FRYL: variants seen among roughly 807,000 people sequenced by gnomAD.
FRYL encodes the protein protein furry homolog-like.
FRYL carries 150 observed loss-of-function variants against 351.2 expected under a neutral mutation model. That is an observed-to-expected ratio of 0.43 (90% CI 0.37 to 0.49). The LOEUF is 0.49. Ranked by LOEUF, FRYL falls within the 20% of genes least tolerant of loss-of-function variation. The pLI is 0.00. For synonymous variants in FRYL, 1,153 were observed against 1,257.1 expected, an observed-to-expected ratio of 0.92 and a Z score of 1.75; for missense variants, 3,036 against 3,619.3, an observed-to-expected ratio of 0.84 and a Z score of 4.13.
chr4:48,746,220 A>G (rs1274536327), intron 1 of FRYL, among the ~76,000 whole-genome samples: 2 of 152,136 alleles, frequency 1.3e-5, no homozygotes, highest in Non-Finnish European at 2.9e-5. Context: ...GGATTTCTCT[A>G]CTACTAACTG....
At chr4:48,776,659 G>A (rs1205407401) in intron 1 of FRYL, among the ~76,000 whole-genome samples, 1 of 152,166 alleles carries the variant, frequency 6.6e-6, no homozygotes, top group African/African-American at 2.4e-5. Context: ...GAGAACAGAG[G>A]AAGAGCTTGC....
intron 53 of FRYL, among the ~76,000 whole-genome samples, chr4:48,526,222 G>T (rs1469204421): frequency 6.6e-6 from 1 of 152,092 alleles, no homozygotes; most frequent in East Asian, 1.9e-4. Context: ...ATCAAGATAT[G>T]GTATACAGAT....
At chr4:48,766,304 C>T (rs1774943073) in intron 1 of FRYL, among the ~76,000 whole-genome samples, 1 of 152,134 alleles carries the variant, frequency 6.6e-6, no homozygotes, top group Non-Finnish European at 1.5e-5. Flanking sequence ...AGTCAGAGTC[C>T]ACACTCCTGA....
chr4:48,669,122 T>G (rs1294208604), intron 3 of FRYL, among the ~76,000 whole-genome samples: 1 of 152,202 alleles, frequency 6.6e-6, no homozygotes, highest in Non-Finnish European at 1.5e-5. Context: ...TGCTATTTAT[T>G]TAGCGATACA....
At chr4:48,688,035 CCTCAAAGATCCAAG>C (rs1765333591) in intron 2 of FRYL, among the ~76,000 whole-genome samples, 1 of 152,096 alleles carries the variant, frequency 6.6e-6, no homozygotes, top group African/African-American at 2.4e-5. Context: ...TGGTAAATTA[CCTCAAAGATCCAAG>C]CTCAAAACTC....
chr4:48,732,867 G>GT (rs1560328695), intron 1 of FRYL, among the ~76,000 whole-genome samples: 1 of 150,642 alleles, frequency 6.6e-6, no homozygotes, highest in African/African-American at 2.4e-5. Context: ...TGGAATGTGC[G>GT]TACCTATGAA....
At chr4:48,739,841 T>A (rs1435139895) in intron 1 of FRYL, among the ~76,000 whole-genome samples, 1 of 152,144 alleles carries the variant, frequency 6.6e-6, no homozygotes, top group Non-Finnish European at 1.5e-5. Context: ...CTTGGATTAA[T>A]AGATAATGTA....
At chr4:48,548,527 A>G (rs1731940953) in intron 40 of FRYL, among the ~76,000 whole-genome samples, 163 bp downstream of exon 40, 1 of 152,188 alleles carries the variant, frequency 6.6e-6, no homozygotes, top group African/African-American at 2.4e-5. Flanking sequence ...GAGGGGCCAG[A>G]CATAACTCCC....
At chr4:48,507,301 G>C (rs1721320574) in intron 59 of FRYL, among the ~76,000 whole-genome samples, 1 of 152,166 alleles carries the variant, frequency 6.6e-6, no homozygotes, top group South Asian at 2.1e-4. Context: ...TCCAGCCAGA[G>C]CATACAAGAC....
intron 1 of FRYL, among the ~76,000 whole-genome samples, chr4:48,768,555 A>G (rs753021558): frequency 9.2e-5 from 14 of 152,190 alleles, no homozygotes; most frequent in Non-Finnish European, 1.6e-4. Context: ...CTGTAATCCC[A>G]GCACTCTGGA....
At chr4:48,538,711 A>G (rs1729445679) in intron 47 of FRYL, among the ~76,000 whole-genome samples, 1 of 151,948 alleles carries the variant, frequency 6.6e-6, no homozygotes, top group Admixed American at 6.6e-5. Flanking sequence ...CTGTAGAAAA[A>G]AACTTCCTTT....
At chr4:48,543,496 T>C (rs979444737) in intron 44 of FRYL, among the ~76,000 whole-genome samples, 2 of 152,352 alleles carry the variant, frequency 1.3e-5, no homozygotes, top group African/African-American at 4.8e-5. Flanking sequence ...TGCTCCACTT[T>C]ACATTTAAAT....
rs144604594 is a variant in FRYL at position 48,499,209 on chromosome 4, C to T, written c.*213G>A. 49 of 517,050 alleles carry T rather than the reference C, an allele frequency of 9.5e-5. 1 individual carries two copies. The highest frequency in any genetic ancestry group is 6.6e-4 in the South Asian group (27 of 40,684). 32.0% of individuals were successfully genotyped at this position (517,050 alleles called of 1,614,324 possible). A position where few individuals can be genotyped will look rare whatever the true frequency, so the allele number is the denominator to read the frequency against. ...AAGTAATTAAAAAATTCCTTCTTCA[C>T]GCAGTTATTGTGGGAGATATTGGCA... On this transcript the variant is annotated 3_prime_UTR_variant, in exon 64 of 64. Transcript: ENST00000358350.
chr4:48,650,822 T>C (rs1211530985), intron 3 of FRYL, among the ~76,000 whole-genome samples: 1 of 151,896 alleles, frequency 6.6e-6, no homozygotes, highest in African/African-American at 2.4e-5. Context: ...ATATTCCAGG[T>C]GATGATGAAG....
intron 55 of FRYL, among the ~76,000 whole-genome samples, chr4:48,520,114 A>T (rs1012579329): frequency 6.6e-6 from 1 of 152,202 alleles, no homozygotes; most frequent in Non-Finnish European, 1.5e-5. Flanking sequence ...TCCATGTCCT[A>T]TTCTTCTTTC....
intron 2 of FRYL, among the ~76,000 whole-genome samples, chr4:48,697,772 T>C (rs1433736045): frequency 6.6e-6 from 1 of 152,296 alleles, no homozygotes; most frequent in Non-Finnish European, 1.5e-5. Flanking sequence ...AAATGAAGCA[T>C]ACTTTTAAAA....
intron 1 of FRYL, among the ~76,000 whole-genome samples, chr4:48,765,947 T>A (rs1774896547): frequency 6.6e-6 from 1 of 152,146 alleles, no homozygotes; most frequent in Non-Finnish European, 1.5e-5. Flanking sequence ...CAATGAGTTA[T>A]CTCACACCCA....
chr4:48,580,465 GT>G (rs1740650732), intron 22 of FRYL: 1 of 181,130 alleles, frequency 5.5e-6, no homozygotes, highest in Non-Finnish European at 1.1e-5. Context: ...ACAAAAAACA[GT>G]TGCCAAAAAA....
intron 35 of FRYL, among the ~76,000 whole-genome samples, chr4:48,554,649 T>C (rs576521377): frequency 2.0e-5 from 3 of 152,332 alleles, no homozygotes; most frequent in South Asian, 4.1e-4. Context: ...AAAACTCTTA[T>C]CATGGTTACC....
Sources: gnomAD v4.1 joint callset for allele counts (sites outside exome capture counted in the v4.1 genomes callset) on GRCh38, gnomAD v4.1.1 for gene constraint, MANE v1.5 for transcripts, NCBI Gene and HGNC (gene_info 2026-07-23, HGNC 2026-07-21) for gene names.